Variants in COL21A1 observed in about 807,000 individuals in gnomAD.
COL21A1 encodes collagen alpha-1(XXI) chain.
COL21A1 carries 149 observed loss-of-function variants against 137.9 expected under a neutral mutation model. The observed-to-expected ratio is 1.08, with a 90% CI of 0.95 to 1.24. The LOEUF is 1.24. Ranked by LOEUF, COL21A1 falls within the 50% of genes most tolerant of loss-of-function variation. The pLI is 0.00. For missense variants in COL21A1, 1,167 were observed against 1,158.4 expected, an observed-to-expected ratio of 1.01 and a Z score of -0.11; for synonymous variants, 456 against 391.5, an observed-to-expected ratio of 1.16 and a Z score of -1.95.
At chr6:56,165,211 A>G (rs1004022246) in intron 7 of COL21A1, among the ~76,000 whole-genome samples, 1 of 152,200 alleles carries the variant, frequency 6.6e-6, no homozygotes, top group African/African-American at 2.4e-5. Flanking sequence ...CACAAACTGC[A>G]TGCATTAAAA....
intron 2 of COL21A1, among the ~76,000 whole-genome samples, chr6:56,181,828 C>T (rs78462250): frequency 0.068 from 10,387 of 152,012 alleles, 419 homozygotes; most frequent in South Asian, 0.12. Context: ...TCCCGTTTTC[C>T]ACCCAAGAAA....
chr6:56,169,298 G>T (rs181276235), intron 5 of COL21A1, among the ~76,000 whole-genome samples: 2 of 151,944 alleles, frequency 1.3e-5, no homozygotes, highest in East Asian at 1.9e-4. Context: ...TTCTGTTAGG[G>T]GAGATGTTCC....
rs201481281 is a variant in COL21A1, at chr6:56,209,032, G to A, written c.-38-26376C>T. Among the ~76,000 whole-genome samples the A allele has an allele frequency of 7.6e-4, 115 of 152,250 alleles. 1 individual carries two copies. Among genetic ancestry groups the A allele is most frequent in the East Asian group, 2.9e-3 (15 of 5,188 alleles). On this transcript the variant is annotated intron_variant, in intron 1 of 29. Transcript: ENST00000244728. ...CTTATAAAAAAATTAACCCAAGATG[G>A]ATTAAAGACTTAAACTGAGACCTAA...
intron 1 of COL21A1, among the ~76,000 whole-genome samples, chr6:56,217,386 C>T (rs1000768880): frequency 5.9e-5 from 9 of 152,052 alleles, no homozygotes; most frequent in Non-Finnish European, 1.0e-4. Flanking sequence ...CTCTCACCCT[C>T]CACAGCACTG....
chr6:56,204,324 G>T (rs938199751), intron 1 of COL21A1, among the ~76,000 whole-genome samples: 6 of 152,058 alleles, frequency 3.9e-5, no homozygotes, highest in Admixed American at 3.9e-4. Context: ...TTGAGTAGGT[G>T]GTTTAACCCT....
At chr6:56,098,363 GAATATATATAAATATATATAAATATATAA>G (rs1362335964) in intron 17 of COL21A1, among the ~76,000 whole-genome samples, 312 of 33,910 alleles carry the variant, frequency 9.2e-3, no homozygotes, top group East Asian at 0.016. Context: ...ATATATATAT[GAATATATATAAATATATATAAATATATAA>G]ATATATATAT....
chr6:56,095,733 C>T (rs932014675), intron 17 of COL21A1, among the ~76,000 whole-genome samples: 8 of 152,156 alleles, frequency 5.3e-5, no homozygotes, highest in African/African-American at 1.7e-4. Context: ...ACAACTAGCA[C>T]ACTCATATTT....
At chr6:56,190,397 G>A (rs1778582081) in intron 1 of COL21A1, among the ~76,000 whole-genome samples, 1 of 152,120 alleles carries the variant, frequency 6.6e-6, no homozygotes, top group Non-Finnish European at 1.5e-5. Flanking sequence ...CCAGGAAAAA[G>A]TTGAATCCCC....
intron 1 of COL21A1, among the ~76,000 whole-genome samples, chr6:56,384,340 C>T (rs2094013852): frequency 6.6e-6 from 1 of 152,200 alleles, no homozygotes; most frequent in Admixed American, 6.5e-5. Context: ...TTTCCTTCTC[C>T]CCTTTCATCT....
intron 16 of COL21A1, among the ~76,000 whole-genome samples, chr6:56,101,884 T>C (rs1770495044): frequency 6.6e-6 from 1 of 152,120 alleles, no homozygotes; most frequent in Non-Finnish European, 1.5e-5. Flanking sequence ...TTAAAATTGA[T>C]CACTATGTTG....
chr6:56,141,554 G>GCATA (rs1774409454), intron 12 of COL21A1, among the ~76,000 whole-genome samples: 1 of 152,118 alleles, frequency 6.6e-6, no homozygotes, highest in African/African-American at 2.4e-5. Flanking sequence ...AGAGAACATG[G>GCATA]CATAGGGCAA....
At position 56,209,701 on chromosome 6, in the gene COL21A1, T is replaced by C. The variant is rs140921895; in HGVS notation, c.-38-27045A>G. The stretch of plus-strand genomic sequence containing the variant: ...GTGGGAGTGTAAATTAGTTCAACCA[T>C]TGTGGAAGACAGTGTGGCGATTCCT... On this transcript the variant is annotated intron_variant, in intron 1 of 29. Coordinates refer to ENST00000244728, the MANE Select transcript of COL21A1 (RefSeq NM_030820.4). 7.6e-4 allele frequency among the ~76,000 whole-genome samples: 116 copies of C among 152,226 alleles called. 2 individuals carry two copies. In the East Asian group the frequency reaches 0.021, roughly 28 times the overall value.
At chr6:56,268,769 C>T (rs1373723035) in intron 1 of COL21A1, among the ~76,000 whole-genome samples, 2 of 152,174 alleles carry the variant, frequency 1.3e-5, no homozygotes, top group Non-Finnish European at 2.9e-5. Context: ...ATCCACCCAG[C>T]AGTCGTTCTT....
intron 9 of COL21A1, among the ~76,000 whole-genome samples, chr6:56,160,783 T>A (rs956339066): frequency 3.3e-5 from 5 of 152,164 alleles, no homozygotes; most frequent in African/African-American, 1.2e-4. Flanking sequence ...TAAATATAAA[T>A]AAAGTAAGAA....
At chr6:56,124,215 A>C (rs1004105348) in intron 15 of COL21A1, 24 bp downstream of exon 15, 1 of 1,578,648 alleles carries the variant, frequency 6.3e-7, no homozygotes, top group African/African-American at 1.4e-5. Flanking sequence ...CAAAATACTA[A>C]GAGCTTTTTT....
At chr6:56,385,375 G>A (rs1275806027) in intron 1 of COL21A1, among the ~76,000 whole-genome samples, 1 of 152,150 alleles carries the variant, frequency 6.6e-6, no homozygotes, top group Non-Finnish European at 1.5e-5. Flanking sequence ...ATTCCTTTCT[G>A]GAAGCTTGAG....
chr6:56,200,912 T>C (rs1779356957), intron 1 of COL21A1, among the ~76,000 whole-genome samples: 1 of 152,162 alleles, frequency 6.6e-6, no homozygotes, highest in African/African-American at 2.4e-5. Flanking sequence ...TAGTTTACAG[T>C]CCCACCAACA....
intron 17 of COL21A1, among the ~76,000 whole-genome samples, chr6:56,096,873 T>G (rs7772090): frequency 5.3e-5 from 8 of 152,280 alleles, no homozygotes; most frequent in Non-Finnish European, 1.0e-4. Flanking sequence ...AACCATTATT[T>G]CCACACAATG....
At chr6:56,085,593 A>G (rs1768165987) in intron 17 of COL21A1, among the ~76,000 whole-genome samples, 1 of 152,112 alleles carries the variant, frequency 6.6e-6, no homozygotes, top group South Asian at 2.1e-4. Flanking sequence ...CTCCTCCAGT[A>G]GGTAACTTTT....
Sources: allele counts gnomAD v4.1 joint callset (sites outside exome capture counted in the v4.1 genomes callset), GRCh38; gene constraint gnomAD v4.1.1; transcripts MANE v1.5; gene names NCBI Gene and HGNC (gene_info 2026-07-23, HGNC 2026-07-21).